ATP7B: variants seen among roughly 807,000 people sequenced by gnomAD.
The protein encoded by ATP7B is ATPase copper transporting beta, also known as copper-transporting ATPase 2.
ATP7B carries 113 observed loss-of-function variants against 118.9 expected under a neutral mutation model. The ratio of observed to expected loss-of-function variants is 0.95; its 90% confidence interval spans 0.82 to 1.11. The LOEUF is 1.11. Ranked by LOEUF, ATP7B falls within the 50% of genes most tolerant of loss-of-function variation. The pLI, the probability that ATP7B is intolerant of heterozygous loss-of-function variation, is 0.00. For synonymous variants in ATP7B, 777 were observed against 727.4 expected, an observed-to-expected ratio of 1.07 and a Z score of -1.10; for missense variants, 1,867 against 1,871.4, an observed-to-expected ratio of 1.00 and a Z score of 0.04.
At chr13:52,004,331 G>A (rs754004925) in intron 1 of ATP7B, among the ~76,000 whole-genome samples, 5 of 152,110 alleles carry the variant, frequency 3.3e-5, no homozygotes, top group Admixed American at 1.3e-4. Context: ...TGAAATACAC[G>A]GCTGCAGCAC....
rs121907998 is a variant in ATP7B, at chr13:51,961,849, A to C, written c.1934T>G (p.Met645Arg). 359 of 1,613,818 alleles carry C rather than the reference A, an allele frequency of 2.2e-4. No homozygotes were observed. The Admixed American group carries it at 2.4e-3, about 11-fold the overall frequency. The change falls in exon 6 of 21, where the codon ATG becomes AGG. Residue 645 changes from methionine (M) to arginine (R), a missense_variant. Physicochemically the swap from Met to Arg is moderately conservative, Grantham distance 91 (BLOSUM62 -1). Coordinates refer to ENST00000242839, the MANE Select transcript of ATP7B (RefSeq NM_000053.4). ...GTGTTCTACCTACTGCTTTATTTCC[A>C]TCTTGTGGTCCAAGTGATGAGCGTT... ...NPNAHHLDHK[M>R]EIKQWKKSFL...
intron 11 of ATP7B, 56 bp from the exon 12 acceptor site, chr13:51,949,852 C>T: frequency 1.2e-6 from 2 of 1,612,906 alleles, no homozygotes; most frequent in Non-Finnish European, 8.5e-7. Flanking sequence ...AGAAATAAAA[C>T]ACCACAAGCA....
chr13:51,949,944 G>A, intron 11 of ATP7B, 63 bp downstream of exon 11: 1 of 1,613,054 alleles, frequency 6.2e-7, no homozygotes, highest in Non-Finnish European at 8.5e-7. Context: ...TGATTTCCCA[G>A]AACTCTTCAC....
intron 1 of ATP7B, chr13:51,975,707 C>T: frequency 4.7e-6 from 2 of 425,340 alleles, no homozygotes; most frequent in South Asian, 3.3e-5. Flanking sequence ...GTTAAATGTG[C>T]TTAACACCCT....
intron 9 of ATP7B, among the ~76,000 whole-genome samples, chr13:51,954,474 G>A (rs1336458420): frequency 1.3e-5 from 2 of 152,246 alleles, no homozygotes; most frequent in Non-Finnish European, 2.9e-5. Flanking sequence ...AAAAATACTG[G>A]ATTGATAAAT....
intron 6 of ATP7B, among the ~76,000 whole-genome samples, chr13:51,960,589 T>A (rs139069862): frequency 1.9e-4 from 29 of 152,268 alleles, no homozygotes; most frequent in Non-Finnish European, 3.5e-4. Flanking sequence ...TACCTCCAAT[T>A]TACGGGTGAG....
rs771577509 is a variant in ATP7B, at chr13:51,957,523, T to C, written c.2440A>G (p.Ile814Val). ...TVVTLGEDNL[I>V]IREEQVPMEL... is the part of the protein sequence containing the mutation. ...TTGATAACCATAACTCACCTGATGA[T>C]TAAATTGTCCTCACCAAGGGTCACA... Residue 814 changes from isoleucine (I) to valine (V), a missense_variant, in exon 9 of 21, where the codon ATC becomes GTC. Coordinates refer to ENST00000242839, the MANE Select transcript of ATP7B (RefSeq NM_000053.4). The C allele has an allele frequency of 1.2e-6, 2 of 1,613,662 alleles. No individual in the cohort carries two copies. The highest frequency in any genetic ancestry group is 2.2e-5 in the South Asian group (2 of 91,070).
intron 2 of ATP7B, among the ~76,000 whole-genome samples, chr13:51,973,733 A>C (rs1951954212): frequency 6.6e-6 from 1 of 152,232 alleles, no homozygotes; most frequent in Non-Finnish European, 1.5e-5. Context: ...TCCCAACTAC[A>C]TGAAAAGCAA....
intron 6 of ATP7B, among the ~76,000 whole-genome samples, chr13:51,961,514 A>G (rs1175618336): frequency 1.3e-5 from 2 of 152,216 alleles, no homozygotes; most frequent in African/African-American, 4.8e-5. Flanking sequence ...AGTGCTGTCC[A>G]ATCTGTTAGC....
At chr13:51,958,628 G>T in intron 7 of ATP7B, 84 bp from the exon 8 acceptor site, 5 of 1,196,242 alleles carry the variant, frequency 4.2e-6, no homozygotes, top group Non-Finnish European at 6.2e-6. Context: ...CCTGGGGATG[G>T]CAAAGCCTCT....
chr13:52,008,064 G>A (rs1953858041), intron 1 of ATP7B, among the ~76,000 whole-genome samples: 1 of 151,926 alleles, frequency 6.6e-6, no homozygotes, highest in Non-Finnish European at 1.5e-5. Flanking sequence ...AAAAAGGCCA[G>A]GCACAGTGGC....
At chr13:51,991,199 T>C (rs185293024) in intron 1 of ATP7B, among the ~76,000 whole-genome samples, 3 of 152,270 alleles carry the variant, frequency 2.0e-5, no homozygotes, top group African/African-American at 7.2e-5. Context: ...ATAGTCACCA[T>C]CAGTTCAATG....
chr13:52,008,964 T>C (rs1020650879), intron 1 of ATP7B, among the ~76,000 whole-genome samples: 2 of 152,108 alleles, frequency 1.3e-5, no homozygotes, highest in Non-Finnish European at 2.9e-5. Context: ...AGCCTCAAAC[T>C]CCTGGGCTCA....
At chr13:51,962,164 C>G (rs543396141) in intron 5 of ATP7B, among the ~76,000 whole-genome samples, 8 of 152,190 alleles carry the variant, frequency 5.3e-5, no homozygotes, top group Non-Finnish European at 1.0e-4. Flanking sequence ...ATAATTTAAA[C>G]TCAGCATTTT....
In ATP7B at chr13:51,942,690, G is replaced by A; in HGVS notation, c.3244-136C>T. The A allele has an allele frequency of 1.4e-5, 14 of 1,003,896 alleles. No homozygotes were observed. The South Asian group carries it at 1.9e-4, about 14-fold the overall frequency. 62.2% of individuals were successfully genotyped at this position (1,003,896 alleles called of 1,614,324 possible). On this transcript the variant is annotated intron_variant, in intron 14 of 20. Transcript: ENST00000242839. ...AAAGCGGGAACTGAGAGAAAGGAGG[G>A]GAGGGAGGTGGAACAGATAGGAAAG...
intron 1 of ATP7B, among the ~76,000 whole-genome samples, chr13:52,004,233 G>T (rs1008298572): frequency 2.5e-4 from 38 of 152,332 alleles, no homozygotes; most frequent in Non-Finnish European, 4.4e-4. Context: ...CTGCACTCCA[G>T]CCTGGCTGAC....
intron 12 of ATP7B, among the ~76,000 whole-genome samples, chr13:51,947,631 T>A (rs1365185976): frequency 6.6e-6 from 1 of 152,214 alleles, no homozygotes; most frequent in Non-Finnish European, 1.5e-5. Flanking sequence ...AGGGGTCTTT[T>A]AATTTTCATA....
chr13:52,002,909 T>C (rs528262590), intron 1 of ATP7B, among the ~76,000 whole-genome samples: 62 of 152,366 alleles, frequency 4.1e-4, no homozygotes, highest in African/African-American at 1.5e-3. Context: ...CTAACAATCA[T>C]CTGAGCTGTC....
chr13:51,936,173 G>C (rs1593639873), intron 19 of ATP7B, among the ~76,000 whole-genome samples: 1 of 152,220 alleles, frequency 6.6e-6, no homozygotes, highest in African/African-American at 2.4e-5. Context: ...CCAGGTCCCA[G>C]GACAGGGTCA....
Sources: gnomAD v4.1 joint callset for allele counts (sites outside exome capture counted in the v4.1 genomes callset) on GRCh38, gnomAD v4.1.1 for gene constraint, MANE v1.5 for transcripts, NCBI Gene and HGNC (gene_info 2026-07-23, HGNC 2026-07-21) for gene names.